Variants in CBLN2 observed in about 807,000 individuals in gnomAD.
The protein encoded by CBLN2 is cerebellin-2.
Under a neutral mutation model 15.0 loss-of-function variants are expected in CBLN2, and 7 were observed. That is an observed-to-expected ratio of 0.47 (90% confidence interval 0.27 to 0.88). CBLN2 has a LOEUF of 0.88. Ranked by LOEUF, CBLN2 falls within the 40% of genes least tolerant of loss-of-function variation. The pLI is 0.14. For synonymous variants in CBLN2, 149 were observed against 135.2 expected (o/e 1.10, Z -0.71); for missense variants, 242 against 304.5 (o/e 0.79, Z 1.53).
At position 72,572,617 on chromosome 18, in the gene CBLN2, C is replaced by G. The variant is rs57408611; in HGVS notation, c.16-33845G>C. On this transcript the variant is annotated intron_variant, in intron 1 of 2. Coordinates refer to the CBLN2 transcript ENST00000581073. ...TGCCTTTTTTTGAGATTGGGTCTCACTATATTGCCTAGGCTGGTCTTCAAC... is the reference window on the plus strand; with the variant it reads ...TGCCTTTTTTTGAGATTGGGTCTCAGTATATTGCCTAGGCTGGTCTTCAAC... 7.4e-4 allele frequency among the ~76,000 whole-genome samples: 112 copies of G among 152,162 alleles called. No individual in the cohort carries two copies. The East Asian group carries it at 0.02, about 27-fold the overall frequency.
chr18:72,545,003 A>ATAG (rs2069148291), upstream of CBLN2, among the ~76,000 whole-genome samples: 1 of 151,180 alleles, frequency 6.6e-6, no homozygotes. Context: ...AATAATAATA[A>ATAG]AGTTAGCCAG....
chr18:72,558,609 T>G (rs2069241004), intron 1 of CBLN2, among the ~76,000 whole-genome samples: 1 of 152,148 alleles, frequency 6.6e-6, no homozygotes, highest in South Asian at 2.1e-4. Flanking sequence ...CCCCATAAAT[T>G]GTGACAATAC....
chr18:72,549,203 G>C (rs2069177194), upstream of CBLN2, among the ~76,000 whole-genome samples: 1 of 151,942 alleles, frequency 6.6e-6, no homozygotes, highest in Non-Finnish European at 1.5e-5. Context: ...GTAGGGAAGG[G>C]GTTTCACCAT....
At chr18:72,608,179 A>G (rs996323585) in intron 1 of CBLN2, among the ~76,000 whole-genome samples, 18 of 152,204 alleles carry the variant, frequency 1.2e-4, no homozygotes, top group African/African-American at 4.1e-4. Context: ...CCTTGTAAAC[A>G]AATCCTAGAA....
At chr18:72,542,386 G>C in intron 2 of CBLN2, 60 bp from the exon 3 acceptor site, 1 of 251,276 alleles carries the variant, frequency 4.0e-6, no homozygotes, top group Non-Finnish European at 7.3e-6. Context: ...GGAAGAAGGG[G>C]GACTGGGAGC....
chr18:72,615,185 T>G lies in CBLN2; in HGVS notation c.15+23140A>C, dbSNP rs1303674553. ...TATATATAAATATATATTTATATAT[T>G]ATATATAAATATATATTTATATATG... On this transcript the variant is annotated intron_variant, in intron 1 of 2. Transcript: ENST00000581073. Among the ~76,000 whole-genome samples, 3 of 133,374 alleles carry G rather than the reference T, an allele frequency of 2.2e-5. No individual in the cohort carries two copies. The East Asian group carries it at 6.0e-4, about 26-fold the overall frequency. 87.5% of individuals were successfully genotyped at this position (133,374 alleles called of 152,430 possible). A position where few individuals can be genotyped will look rare whatever the true frequency, so the allele number is the denominator to read the frequency against.
At chr18:72,552,795 A>G (rs1005225341) in intron 1 of CBLN2, among the ~76,000 whole-genome samples, 2 of 152,222 alleles carry the variant, frequency 1.3e-5, no homozygotes, top group African/African-American at 4.8e-5. Flanking sequence ...GAAAATAGAC[A>G]TTGAATAAAG....
At chr18:72,574,277 T>A (rs533170429) in intron 1 of CBLN2, among the ~76,000 whole-genome samples, 6 of 152,354 alleles carry the variant, frequency 3.9e-5, no homozygotes, top group African/African-American at 7.2e-5. Context: ...CAGAATTTTT[T>A]AAATTTTAAT....
At chr18:72,594,432 T>C (rs929631453) in intron 1 of CBLN2, among the ~76,000 whole-genome samples, 6 of 151,648 alleles carry the variant, frequency 4.0e-5, no homozygotes, top group African/African-American at 1.5e-4. Context: ...ATGGATATTG[T>C]CCTGTAGTTC....
intron 1 of CBLN2, among the ~76,000 whole-genome samples, chr18:72,599,878 A>C (rs2069536966): frequency 6.6e-6 from 1 of 152,180 alleles, no homozygotes; most frequent in Non-Finnish European, 1.5e-5. Flanking sequence ...TTACCTCCTC[A>C]GTGTCTCAAT....
At chr18:72,555,873 T>G (rs2069223893) in intron 1 of CBLN2, among the ~76,000 whole-genome samples, 1 of 152,254 alleles carries the variant, frequency 6.6e-6, no homozygotes, top group East Asian at 1.9e-4. Flanking sequence ...CACAAGGTAT[T>G]TGCACTGTGG....
Position 72,543,388 on chromosome 18 carries a change from C to T in CBLN2, c.-167+98G>A, listed in dbSNP as rs1005888194. On this transcript the variant is annotated intron_variant, in intron 2 of 4. Transcript: ENST00000269503. The surrounding 1 kb of genome is among the most constrained non-coding windows in gnomAD (Gnocchi z 6.8). ...ACATGATTTCCCTTCTCTCTCTCCA[C>T]CTCCTCCACCCCTCGATCTGGACCA... 5 of 397,410 alleles carry T rather than the reference C, an allele frequency of 1.3e-5. No homozygotes were observed. The highest frequency in any genetic ancestry group is 1.2e-3 in the Middle Eastern group (2 of 1,608). 24.6% of individuals were successfully genotyped at this position (397,410 alleles called of 1,614,324 possible). A position where few individuals can be genotyped will look rare whatever the true frequency, so the allele number is the denominator to read the frequency against.
chr18:72,602,404 T>C (rs1451487033), intron 1 of CBLN2, among the ~76,000 whole-genome samples: 1 of 152,196 alleles, frequency 6.6e-6, no homozygotes, highest in Non-Finnish European at 1.5e-5. Context: ...ATTTTCACTT[T>C]GTTTCAACAG....
At chr18:72,581,581 G>A (rs2144918920) in intron 1 of CBLN2, among the ~76,000 whole-genome samples, 1 of 152,222 alleles carries the variant, frequency 6.6e-6, no homozygotes. Flanking sequence ...TTTAGCTTAT[G>A]TTCTCATGAG....
intron 1 of CBLN2, among the ~76,000 whole-genome samples, chr18:72,551,102 A>G (rs1469866433): frequency 6.6e-6 from 1 of 152,042 alleles, no homozygotes; most frequent in Admixed American, 6.6e-5. Flanking sequence ...CACATCTAGT[A>G]TAGCATCTTT....
intron 1 of CBLN2, among the ~76,000 whole-genome samples, chr18:72,596,343 C>T (rs1032113261): frequency 1.3e-5 from 2 of 151,876 alleles, no homozygotes; most frequent in African/African-American, 2.4e-5. Flanking sequence ...TGCTTCTTAA[C>T]TTTTTGTTGT....
chr18:72,605,302 T>C (rs927203182), intron 1 of CBLN2, among the ~76,000 whole-genome samples: 13 of 152,218 alleles, frequency 8.5e-5, no homozygotes, highest in Admixed American at 8.5e-4. Flanking sequence ...TGCTCTTCAC[T>C]TTTACTTCTC....
chr18:72,627,845 T>C (rs1318365567), intron 1 of CBLN2, among the ~76,000 whole-genome samples: 3 of 152,266 alleles, frequency 2.0e-5, no homozygotes, highest in Non-Finnish European at 4.4e-5. Flanking sequence ...CTATTTCTTA[T>C]ATGTATAGCT....
At chr18:72,616,964 T>C (rs553753992) in intron 1 of CBLN2, among the ~76,000 whole-genome samples, 1 of 152,310 alleles carries the variant, frequency 6.6e-6, no homozygotes, top group Non-Finnish European at 1.5e-5. Flanking sequence ...TTAAACCTTT[T>C]AACACAGTCC....
Sources: gnomAD v4.1 joint callset for allele counts (sites outside exome capture counted in the v4.1 genomes callset) on GRCh38, gnomAD v4.1.1 for gene constraint, Gnocchi (gnomAD v3.1) non-coding constraint, MANE v1.5 for transcripts, NCBI Gene and HGNC (gene_info 2026-07-23, HGNC 2026-07-21) for gene names.